BLTP3A: variants seen among roughly 807,000 people sequenced by gnomAD.
BLTP3A encodes bridge-like lipid transfer protein family member 3A.
At chr6:34,800,340 T>C in the BLTP3A span, among the ~76,000 whole-genome samples, 1 of 152,216 alleles carries the variant, frequency 6.6e-6, no homozygotes, top group Non-Finnish European at 1.5e-5. Context: ...TAATGTGTCC[T>C]CCAAAACAGC....
the BLTP3A span, among the ~76,000 whole-genome samples, chr6:34,846,792 C>T: frequency 3.9e-5 from 6 of 152,128 alleles, no homozygotes; most frequent in African/African-American, 7.2e-5. Flanking sequence ...CTAGGACTTC[C>T]GGTACTATGT....
the BLTP3A span, among the ~76,000 whole-genome samples, chr6:34,863,771 G>A: frequency 0.011 from 1,721 of 152,308 alleles, 12 homozygotes; most frequent in Non-Finnish European, 0.016. Context: ...TGATATGAGA[G>A]CGCTGTCCAT....
the BLTP3A span, chr6:34,857,941 TC>T: frequency 6.2e-7 from 1 of 1,604,608 alleles, no homozygotes; most frequent in East Asian, 2.2e-5. Flanking sequence ...GTGACTTTTA[TC>T]CCCTGTTAGT....
chr6:34,817,851 AT>A, the BLTP3A span, among the ~76,000 whole-genome samples: 29,906 of 138,660 alleles, frequency 0.22, 3,691 homozygotes, highest in African/African-American at 0.38. Flanking sequence ...ACGTGTAGGA[AT>A]TTTTTTTTTT....
chr6:34,863,631 A>T, the BLTP3A span, among the ~76,000 whole-genome samples: 25 of 152,180 alleles, frequency 1.6e-4, no homozygotes, highest in Admixed American at 5.2e-4. Flanking sequence ...GGTGCCTTAC[A>T]TACAGAAGCA....
At chr6:34,801,465 G>C in the BLTP3A span, among the ~76,000 whole-genome samples, 9 of 151,948 alleles carry the variant, frequency 5.9e-5, no homozygotes, top group African/African-American at 2.2e-4. Context: ...TTAGATCATT[G>C]TATCTCACCA....
At chr6:34,834,244 G>A in the BLTP3A span, 1 of 1,613,976 alleles carries the variant, frequency 6.2e-7, no homozygotes, top group Non-Finnish European at 8.5e-7. Flanking sequence ...AAAAGGTGGT[G>A]GAAGGGATGT....
At chr6:34,805,231 T>C in the BLTP3A span, among the ~76,000 whole-genome samples, 27 of 152,002 alleles carry the variant, frequency 1.8e-4, no homozygotes, top group Non-Finnish European at 3.4e-4. Context: ...CAGTGAACCG[T>C]GACTGTGCCA....
chr6:34,871,768 T>C, the BLTP3A span: 1 of 1,612,018 alleles, frequency 6.2e-7, no homozygotes, highest in East Asian at 2.2e-5. Context: ...TAGGAACTGT[T>C]TGGGAGTTGG....
chr6:34,853,793 C>T, the BLTP3A span, among the ~76,000 whole-genome samples: 1 of 151,976 alleles, frequency 6.6e-6, no homozygotes, highest in African/African-American at 2.4e-5. Flanking sequence ...AACTCCTGAC[C>T]TCAAGTGAAC....
the BLTP3A span, among the ~76,000 whole-genome samples, chr6:34,841,129 C>T: frequency 6.6e-6 from 1 of 152,012 alleles, no homozygotes; most frequent in Non-Finnish European, 1.5e-5. Context: ...GCCACCAAGT[C>T]CAGCTCACAT....
the BLTP3A span, chr6:34,873,608 C>T: frequency 6.6e-4 from 101 of 152,210 alleles, no homozygotes; most frequent in African/African-American, 2.4e-3. Flanking sequence ...TCTCCAACAC[C>T]ATCCCTTCAT....
chr6:34,856,378 T>A, the BLTP3A span: 15 of 1,614,128 alleles, frequency 9.3e-6, no homozygotes, highest in Non-Finnish European at 1.3e-5. Context: ...CCTGGCACCT[T>A]GGAGTAGACT....
At chr6:34,864,159 A>G in the BLTP3A span, 2 of 1,614,094 alleles carry the variant, frequency 1.2e-6, no homozygotes, top group South Asian at 2.2e-5. Flanking sequence ...TTCAGTGGAC[A>G]GTGATGGCAG....
chr6:34,855,345 C>T, the BLTP3A span, among the ~76,000 whole-genome samples: 16 of 152,308 alleles, frequency 1.1e-4, no homozygotes, highest in Middle Eastern at 3.4e-3. Flanking sequence ...CCGAGTTTGG[C>T]GGTCTCTTTC....
At chr6:34,846,154 A>AT in the BLTP3A span, among the ~76,000 whole-genome samples, 96 of 100,030 alleles carry the variant, frequency 9.6e-4, no homozygotes, top group African/African-American at 3.5e-3. Context: ...CCTTGCTTCC[A>AT]TTTTTTTTGA....
the BLTP3A span, chr6:34,821,928 A>G: frequency 1.9e-6 from 3 of 1,614,236 alleles, no homozygotes; most frequent in African/African-American, 1.3e-5. Context: ...TCCAGTGGAC[A>G]AAGTTGAAGA....
At chr6:34,817,954 C>T in the BLTP3A span, among the ~76,000 whole-genome samples, 2 of 151,758 alleles carry the variant, frequency 1.3e-5, no homozygotes, top group Non-Finnish European at 2.9e-5. Flanking sequence ...CCCGGGTTCA[C>T]GCCATTCTCC....
the BLTP3A span, among the ~76,000 whole-genome samples, chr6:34,853,276 A>G: frequency 1.3e-5 from 2 of 152,094 alleles, no homozygotes; most frequent in Non-Finnish European, 2.9e-5. Flanking sequence ...TCTCAGGCTC[A>G]GGGGATCCTC....
Sources: allele counts gnomAD v4.1 joint callset (sites outside exome capture counted in the v4.1 genomes callset), GRCh38; gene constraint gnomAD v4.1.1; transcripts MANE v1.5; gene names NCBI Gene and HGNC (gene_info 2026-07-23, HGNC 2026-07-21).